The following TIAM2 variants were observed in gnomAD, a reference collection of about 807,000 sequenced individuals.
TIAM2 encodes rho guanine nucleotide exchange factor TIAM2.
In TIAM2, 80 loss-of-function variants were observed where a neutral mutation model predicts 152.9. The observed-to-expected ratio is 0.52, with a 90% confidence interval of 0.44 to 0.63. The LOEUF (loss-of-function observed/expected upper bound fraction) is 0.63. Among genes scored for constraint, TIAM2 ranks in the 30% least tolerant of loss-of-function variants. The pLI, the probability that TIAM2 is intolerant of heterozygous loss-of-function variation, is 0.00. For synonymous variants in TIAM2, 804 were observed against 838.0 expected (o/e 0.96, Z 0.70); for missense variants, 1,965 against 2,120.1 (o/e 0.93, Z 1.44).
chr6:155,175,090 G>C (rs1562342368), intron 9 of TIAM2, among the ~76,000 whole-genome samples: 2 of 152,190 alleles, frequency 1.3e-5, no homozygotes, highest in South Asian at 4.1e-4. Context: ...TGTCCGGGCT[G>C]GTTCCTGGCA....
chr6:155,042,710 A>G (rs1224634865), intron 1 of TIAM2, among the ~76,000 whole-genome samples: 2 of 152,240 alleles, frequency 1.3e-5, no homozygotes, highest in Non-Finnish European at 2.9e-5. Context: ...ACATATATAT[A>G]CATACATTGT....
At chr6:155,120,655 A>G (rs1779129429) in intron 2 of TIAM2, among the ~76,000 whole-genome samples, 1 of 152,192 alleles carries the variant, frequency 6.6e-6, no homozygotes, top group South Asian at 2.1e-4. Context: ...TCAGTGATAG[A>G]GACAATAATA....
chr6:155,244,848 G>A, intron 18 of TIAM2, 65 bp downstream of exon 18: 1 of 1,503,288 alleles, frequency 6.7e-7, no homozygotes, highest in Non-Finnish European at 8.9e-7. Flanking sequence ...TCTCTCATGA[G>A]AATTCTCTCA....
chr6:155,074,285 A>G (rs1287436924), intron 1 of TIAM2, among the ~76,000 whole-genome samples: 1 of 152,176 alleles, frequency 6.6e-6, no homozygotes, highest in African/African-American at 2.4e-5. Context: ...ACTTTAAAAT[A>G]TCTGTGTAAG....
At chr6:155,093,273 G>T (rs781281780) in intron 2 of TIAM2, among the ~76,000 whole-genome samples, 2 of 152,200 alleles carry the variant, frequency 1.3e-5, no homozygotes, top group Non-Finnish European at 2.9e-5. Flanking sequence ...TCCTGGCATG[G>T]TGCCTACCTC....
Position 155,176,904 on chromosome 6 carries a change from A to G in TIAM2, c.2450A>G (p.Gln817Arg). Reference sequence around the variant, plus strand: ...GAAATCCAGACTTATGTCCACTTTCAGGACAATCACGGAGTTACTGTAGGG... The same window carrying G: ...GAAATCCAGACTTATGTCCACTTTCGGGACAATCACGGAGTTACTGTAGGG... ...AWEIQTYVHF[Q>R]DNHGVTVGIK... The change falls in exon 10 of 27, where the codon CAG becomes CGG. Residue 817 changes from glutamine to arginine, a missense_variant. This residue lies in a region of TIAM2 where 1,025 missense variants were observed against 1,119.4 expected (regional missense o/e 0.92). Transcript: ENST00000682666. The G allele has an allele frequency of 6.8e-6, 11 of 1,614,118 alleles. No homozygotes were observed. The highest frequency in any genetic ancestry group is 9.3e-6 in the Non-Finnish European group (11 of 1,179,968).
intron 2 of TIAM2, among the ~76,000 whole-genome samples, 184 bp from the exon 3 acceptor site, chr6:155,127,306 G>A (rs2115034145): frequency 6.6e-6 from 1 of 152,232 alleles, no homozygotes; most frequent in South Asian, 2.1e-4. Flanking sequence ...AGACTGGGTG[G>A]GCAGTTCTGG....
At chr6:155,142,555 C>G (rs1779733712) in intron 5 of TIAM2, among the ~76,000 whole-genome samples, 1 of 152,180 alleles carries the variant, frequency 6.6e-6, no homozygotes, top group Non-Finnish European at 1.5e-5. Flanking sequence ...TGCCCTGGTC[C>G]TCGGGCCCCG....
chr6:155,238,554 T>G (rs1305696608), intron 15 of TIAM2, among the ~76,000 whole-genome samples: 3 of 152,236 alleles, frequency 2.0e-5, no homozygotes, highest in Non-Finnish European at 4.4e-5. Flanking sequence ...TACTTGCCCC[T>G]TGAGGTAGGC....
chr6:155,256,906 C>G lies in TIAM2; in HGVS notation c.4891C>G (p.His1631Asp). The change falls in exon 27 of 27, where the codon CAC becomes GAC. Residue 1631 changes from histidine (H) to aspartate (D), a missense_variant. Physicochemically the swap from His to Asp is moderately conservative, Grantham distance 81. This residue lies in a region of TIAM2 where 935 missense variants were observed against 980.0 expected (regional missense o/e 0.95). Coordinates refer to ENST00000682666, the MANE Select transcript of TIAM2 (RefSeq NM_012454.4). ...AGAGCAGCCCAAACTGGTCCGGGGGCACTTCTGCCCCATTAAACGAAAAGC... is the reference window on the plus strand; with the variant it reads ...AGAGCAGCCCAAACTGGTCCGGGGGGACTTCTGCCCCATTAAACGAAAAGC... ...GGEQPKLVRG[H>D]FCPIKRKANS... 6.2e-7 allele frequency: 1 copy of G among 1,614,180 alleles called. No individual in the cohort carries two copies.
At chr6:155,232,521 A>AT (rs1782523788) in intron 15 of TIAM2, 1 of 152,108 alleles carries the variant, frequency 6.6e-6, no homozygotes, top group South Asian at 2.1e-4. Context: ...TGTATTTTGT[A>AT]TTTTTTCTAG....
chr6:155,240,585 G>T lies in TIAM2; in HGVS notation c.3224G>T (p.Gly1075Val). Reference sequence around the variant, plus strand: ...AGTTTTAACGACAGTCAGGCCAACGGCATGGAAGGACCGCGGGAGAATCAG... The same window carrying T: ...AGTTTTAACGACAGTCAGGCCAACGTCATGGAAGGACCGCGGGAGAATCAG... ...CRSFNDSQANGMEGPRENQDP... is the reference protein window; with the variant it reads ...CRSFNDSQANVMEGPRENQDP... Residue 1075 changes from glycine to valine, a missense_variant, in exon 16 of 27, where the codon GGC becomes GTC. Gly to Val is a moderately radical substitution (Grantham distance 109, BLOSUM62 -3). This residue lies in a region of TIAM2 where 935 missense variants were observed against 980.0 expected (regional missense o/e 0.95). Coordinates refer to ENST00000682666, the MANE Select transcript of TIAM2 (RefSeq NM_012454.4). The T allele has an allele frequency of 6.2e-7, 1 of 1,614,120 alleles. No individual in the cohort carries two copies. Among genetic ancestry groups the T allele is most frequent in the Non-Finnish European group, 8.5e-7 (1 of 1,180,046 alleles).
intron 14 of TIAM2, among the ~76,000 whole-genome samples, chr6:155,192,063 G>A (rs1000258171): frequency 6.6e-6 from 1 of 152,170 alleles, no homozygotes; most frequent in Non-Finnish European, 1.5e-5. Context: ...AGTCACAGGG[G>A]TCTTTACTGG....
At chr6:155,006,434 T>C (rs2475868) in intron 1 of TIAM2, among the ~76,000 whole-genome samples, 148,631 of 151,538 alleles carry the variant, frequency 0.98, 72,910 homozygotes, top group East Asian at 1. Context: ...TTTGGGAGGC[T>C]GAGGTGGGTG....
intron 1 of TIAM2, among the ~76,000 whole-genome samples, chr6:155,031,905 A>T (rs531481878): frequency 6.6e-6 from 1 of 152,318 alleles, no homozygotes; most frequent in Admixed American, 6.5e-5. Flanking sequence ...AACAAAAAGC[A>T]CATTGTCTAT....
At position 155,183,420 on chromosome 6, in the gene TIAM2, A is replaced by G. The variant is rs1023807150; in HGVS notation, c.2984A>G (p.Gln995Arg). 1 of 1,614,190 alleles carries G rather than the reference A, an allele frequency of 6.2e-7. No individual in the cohort carries two copies. The highest frequency in any genetic ancestry group is 1.1e-5 in the South Asian group (1 of 91,092). The change falls in exon 14 of 27, where the codon CAG becomes CGG. Residue 995 changes from glutamine to arginine, a missense_variant. Around this residue, in one of 3 missense-constraint regions of TIAM2, gnomAD observed 935 missense variants for 980.0 expected, o/e 0.95. Transcript: ENST00000682666. ...GACAGTGACCTGTTCTCCAGGGACCAGAAGAGTCTGCTGCCCCCTCCTAAC... is the reference window on the plus strand; with the variant it reads ...GACAGTGACCTGTTCTCCAGGGACCGGAAGAGTCTGCTGCCCCCTCCTAAC... The part of the protein sequence containing the change: ...WSDSDLFSRD[Q>R]KSLLPPPNQS...
At chr6:155,025,932 G>A (rs1776594150) in intron 1 of TIAM2, among the ~76,000 whole-genome samples, 2 of 151,710 alleles carry the variant, frequency 1.3e-5, no homozygotes, top group African/African-American at 4.8e-5. Context: ...TTGTTGAGCA[G>A]TGGGACAAAA....
chr6:155,028,597 AT>A (rs1296713284), intron 1 of TIAM2, among the ~76,000 whole-genome samples: 2 of 135,610 alleles, frequency 1.5e-5, no homozygotes, highest in Non-Finnish European at 3.0e-5. Context: ...TATAATATAT[AT>A]ACTGTGTTAT....
chr6:155,231,006 T>C (rs2115269469), intron 15 of TIAM2, among the ~76,000 whole-genome samples: 1 of 151,900 alleles, frequency 6.6e-6, no homozygotes, highest in East Asian at 1.9e-4. Flanking sequence ...CTAATTTTTT[T>C]TTTTTTTGTA....
Sources: allele counts gnomAD v4.1 joint callset (sites outside exome capture counted in the v4.1 genomes callset), GRCh38; gene constraint gnomAD v4.1.1; regional missense constraint gnomAD v4.1.1; transcripts MANE v1.5; gene names NCBI Gene and HGNC (gene_info 2026-07-23, HGNC 2026-07-21).